Variants in EMILIN2 observed in about 807,000 individuals in gnomAD.
The protein encoded by EMILIN2 is EMILIN-2.
EMILIN2 carries 71 observed loss-of-function variants against 87.1 expected under a neutral mutation model. The observed-to-expected ratio is 0.82, with a 90% CI of 0.67 to 0.99. The LOEUF (loss-of-function observed/expected upper bound fraction) is 0.99. Among genes scored for constraint, EMILIN2 ranks in the 50% least tolerant of loss-of-function variants. The pLI is 0.00. For synonymous variants in EMILIN2, 581 were observed against 563.4 expected (o/e 1.03, Z -0.44); for missense variants, 1,407 against 1,371.8 (o/e 1.03, Z -0.40).
intron 4 of EMILIN2, among the ~76,000 whole-genome samples, chr18:2,899,557 T>A (rs145367304): frequency 1.3e-4 from 20 of 152,108 alleles, no homozygotes; most frequent in Non-Finnish European, 2.9e-5. Flanking sequence ...CAGGCTGGAG[T>A]GCAGTGGCAC....
intron 2 of EMILIN2, among the ~76,000 whole-genome samples, chr18:2,874,327 C>T (rs141597082): frequency 2.6e-5 from 4 of 152,256 alleles, no homozygotes; most frequent in Non-Finnish European, 5.9e-5. Context: ...GTGGCTAGGA[C>T]TCCAGGTGTG....
At chr18:2,858,563 ATATATATGTG>A (rs2076641983) in intron 2 of EMILIN2, among the ~76,000 whole-genome samples, 2 of 68,734 alleles carry the variant, frequency 2.9e-5, no homozygotes, top group Non-Finnish European at 4.6e-5. Context: ...ATATATATAT[ATATATATGTG>A]TGTGTGTGTG....
At position 2,891,508 on chromosome 18, in the gene EMILIN2, GAGA is replaced by G; in HGVS notation, c.1386_1388del (p.Lys462del). The G allele has an allele frequency of 6.2e-7, 1 of 1,614,192 alleles. No homozygotes were observed. Among genetic ancestry groups the G allele is most frequent in the South Asian group, 1.1e-5 (1 of 91,086 alleles). The stretch of plus-strand genomic sequence containing the variant: ...ACTCGATGCAAGGATCAATGTGACG[GAGA>G]AGAACGCTGAAGAACATTGCTTTTA... On this transcript the variant is annotated inframe_deletion, in exon 4 of 8. Coordinates refer to ENST00000254528, the MANE Select transcript of EMILIN2 (RefSeq NM_032048.3). This position sits in a 1 kb window ranked among gnomAD's most constrained non-coding sequence, Gnocchi z 4.6.
At chr18:2,893,285 C>T (rs568835125) in intron 4 of EMILIN2, among the ~76,000 whole-genome samples, 31 of 152,126 alleles carry the variant, frequency 2.0e-4, no homozygotes, top group Non-Finnish European at 3.1e-4. Context: ...GAGTCTCCTA[C>T]GTACCTCTCT....
chr18:2,849,301 TAGTC>T lies in EMILIN2; in HGVS notation c.257+1373_257+1376del, dbSNP rs10594171. On this transcript the variant is annotated intron_variant, in intron 2 of 7. Transcript: ENST00000254528. ...TTGTTTAAAATTAGAATTGAGTTAT[TAGTC>T]AGGAATATTTTATTCATCTTATACA... Among the ~76,000 whole-genome samples, 1,140 of 152,334 alleles carry T rather than the reference TAGTC, an allele frequency of 7.5e-3. 13 individuals carry two copies. Among genetic ancestry groups the T allele is most frequent in the African/African-American group, 0.026 (1,082 of 41,572 alleles).
chr18:2,860,134 A>G (rs371592138), intron 2 of EMILIN2, among the ~76,000 whole-genome samples: 3 of 152,262 alleles, frequency 2.0e-5, no homozygotes, highest in Middle Eastern at 3.4e-3. Context: ...TGGGAATTGC[A>G]TTGAATTTGT....
chr18:2,865,508 G>A (rs1172162554), intron 2 of EMILIN2, among the ~76,000 whole-genome samples: 1 of 152,220 alleles, frequency 6.6e-6, no homozygotes, highest in South Asian at 2.1e-4. Flanking sequence ...ATCAGCAGCG[G>A]AGGCTGCAGA....
rs2076855686 is a variant in EMILIN2 at position 2,894,769 on chromosome 18, TCCTCTGC to T, written c.2359+2287_2359+2293del. The stretch of plus-strand genomic sequence containing the variant: ...GAGCCAGAAATAAACAAGCAGAGCC[TCCTCTGC>T]CCTTGTCTAGCATCCAGGTCTAGGA... On this transcript the variant is annotated intron_variant, in intron 4 of 7. Transcript: ENST00000254528. This position sits in a 1 kb window ranked among gnomAD's most constrained non-coding sequence, Gnocchi z 5.0. 6.6e-6 allele frequency among the ~76,000 whole-genome samples: 1 copy of T among 152,130 alleles called. No individual in the cohort carries two copies. Among genetic ancestry groups the T allele is most frequent in the Non-Finnish European group, 1.5e-5 (1 of 68,016 alleles).
At chr18:2,846,881 G>A, upstream of EMILIN2, 1 of 988,582 alleles carries the variant, frequency 1.0e-6, no homozygotes, top group Non-Finnish European at 1.2e-6. The surrounding 1 kb of genome is among the most constrained non-coding windows in gnomAD (Gnocchi z 5.3). Context: ...AGGGACTGGA[G>A]ACGGGGAGAC....
intron 2 of EMILIN2, among the ~76,000 whole-genome samples, chr18:2,868,426 T>A (rs192259111): frequency 1.4e-4 from 22 of 152,302 alleles, no homozygotes; most frequent in South Asian, 6.2e-4. Flanking sequence ...CAATCTCGGC[T>A]CTTTGGGAGG....
At chr18:2,858,555 A>ATATATATGTGTGTGTGTGTG (rs1568454032) in intron 2 of EMILIN2, among the ~76,000 whole-genome samples, 2 of 52,302 alleles carry the variant, frequency 3.8e-5, no homozygotes, top group African/African-American at 2.9e-4. Flanking sequence ...ATATATATAT[A>ATATATATGTGTGTGTGTGTG]TATATATATA....
At chr18:2,876,472 A>C (rs1014440219) in intron 2 of EMILIN2, among the ~76,000 whole-genome samples, 6 of 151,920 alleles carry the variant, frequency 3.9e-5, no homozygotes, top group African/African-American at 1.2e-4. Flanking sequence ...TTATTTTAAA[A>C]ATACGTACAA....
intron 2 of EMILIN2, among the ~76,000 whole-genome samples, chr18:2,863,485 G>A (rs2076671513): frequency 6.6e-6 from 1 of 152,188 alleles, no homozygotes; most frequent in African/African-American, 2.4e-5. Flanking sequence ...GTACCCAGTA[G>A]TCATTCAGGA....
intron 4 of EMILIN2, among the ~76,000 whole-genome samples, chr18:2,904,109 A>G (rs545694324): frequency 1.3e-5 from 2 of 152,348 alleles, no homozygotes; most frequent in Non-Finnish European, 2.9e-5. Context: ...ACAGATTTCA[A>G]GGTTGACAAT....
rs761119247 is a variant in EMILIN2 at position 2,891,487 on chromosome 18, G to A, written c.1360G>A (p.Asp454Asn). 19 of 1,614,078 alleles carry A rather than the reference G, an allele frequency of 1.2e-5. No homozygotes were observed. Among genetic ancestry groups the A allele is most frequent in the East Asian group, 6.7e-5 (3 of 44,894 alleles). ...TTTTGATGCAAAATGGAATGAACTC[G>A]ATGCAAGGATCAATGTGACGGAGAA... ...VDFDAKWNEL[D>N]ARINVTEKNA... Residue 454 changes from aspartate to asparagine, a missense_variant, in exon 4 of 8, where the codon GAT becomes AAT. By Grantham distance (23) the Asp-to-Asn change is conservative. Coordinates refer to ENST00000254528, the MANE Select transcript of EMILIN2 (RefSeq NM_032048.3). The surrounding 1 kb of genome is among the most constrained non-coding windows in gnomAD (Gnocchi z 4.6).
Position 2,891,959 on chromosome 18 carries a change from T to C in EMILIN2, c.1832T>C (p.Leu611Pro). ...AAACTTCAACAGGATTTTAGTTTTC[T>C]TTATTCTCAATTAAACCACACAGAA... Reference protein sequence around the residue: ...IQKLQQDFSFLYSQLNHTEND... With the variant: ...IQKLQQDFSFPYSQLNHTEND... The change falls in exon 4 of 8, where the codon CTT becomes CCT. Residue 611 changes from leucine (L) to proline (P), a missense_variant. By Grantham distance (98) the Leu-to-Pro change is moderately conservative. Coordinates refer to ENST00000254528, the MANE Select transcript of EMILIN2 (RefSeq NM_032048.3). The surrounding 1 kb of genome is among the most constrained non-coding windows in gnomAD (Gnocchi z 4.6). 6.2e-7 allele frequency: 1 copy of C among 1,614,206 alleles called. No homozygotes were observed. Among genetic ancestry groups the C allele is most frequent in the Non-Finnish European group, 8.5e-7 (1 of 1,180,042 alleles).
chr18:2,900,140 T>TC (rs1174765792), intron 4 of EMILIN2, among the ~76,000 whole-genome samples: 1 of 152,138 alleles, frequency 6.6e-6, no homozygotes, highest in Non-Finnish European at 1.5e-5. Context: ...GGGTTTTTTT[T>TC]TTCATTCAAA....
At chr18:2,854,140 GC>G (rs1353138992) in intron 2 of EMILIN2, among the ~76,000 whole-genome samples, 2 of 151,976 alleles carry the variant, frequency 1.3e-5, no homozygotes, top group African/African-American at 4.8e-5. Flanking sequence ...TTTCTGTAGG[GC>G]CCAGAGTTTT....
At position 2,892,071 on chromosome 18, in the gene EMILIN2, G is replaced by C. The variant is rs766390128; in HGVS notation, c.1944G>C (p.Glu648Asp). 39 of 1,614,132 alleles carry C rather than the reference G, an allele frequency of 2.4e-5. No homozygotes were observed. The highest frequency in any genetic ancestry group is 3.1e-5 in the Non-Finnish European group (37 of 1,180,056). The part of the protein sequence containing the change: ...AGMGRFTKVG[E>D]QERTVDTLPS... The stretch of plus-strand genomic sequence containing the variant: ...TGGGTAGGTTCACTAAGGTGGGTGA[G>C]CAAGAAAGGACAGTGGACACCCTGC... Residue 648 changes from glutamate (E) to aspartate (D), a missense_variant, in exon 4 of 8, where the codon GAG becomes GAC. By Grantham distance (45) the Glu-to-Asp change is conservative. Transcript: ENST00000254528.
Sources: gnomAD v4.1 joint callset for allele counts (sites outside exome capture counted in the v4.1 genomes callset) on GRCh38, gnomAD v4.1.1 for gene constraint, Gnocchi (gnomAD v3.1) non-coding constraint, MANE v1.5 for transcripts, NCBI Gene and HGNC (gene_info 2026-07-23, HGNC 2026-07-21) for gene names.